The following ZNF787 variants were observed in gnomAD, a reference collection of about 807,000 sequenced individuals.
The protein encoded by ZNF787 is TTF-I-interacting peptide 20.
ZNF787 carries 7 observed loss-of-function variants against 16.9 expected under a neutral mutation model. The ratio of observed to expected loss-of-function variants is 0.42; its 90% confidence interval spans 0.24 to 0.78. ZNF787 has a LOEUF of 0.78. Among genes scored for constraint, ZNF787 ranks in the 30% least tolerant of loss-of-function variants. The probability of loss-of-function intolerance (pLI) is 0.30; values close to 1 mark genes in which losing one functional copy is unlikely to be tolerated. For synonymous variants in ZNF787, 345 were observed against 270.9 expected (o/e 1.27, Z -2.69); for missense variants, 551 against 589.3 (o/e 0.94, Z 0.67).
intron 2 of ZNF787, among the ~76,000 whole-genome samples, chr19:56,094,187 C>CTTTTTTTTTTT (rs572443571): frequency 9.5e-6 from 1 of 105,474 alleles, no homozygotes; most frequent in Non-Finnish European, 1.8e-5. Context: ...TCATGCCCGG[C>CTTTTTTTTTTT]TTTTTTTTTT....
intron 2 of ZNF787, among the ~76,000 whole-genome samples, chr19:56,095,804 G>C (rs1162966064): frequency 6.6e-6 from 1 of 152,158 alleles, no homozygotes; most frequent in South Asian, 2.1e-4. Flanking sequence ...TACTTCAGCT[G>C]CTGGTCCTAA....
intron 1 of ZNF787, among the ~76,000 whole-genome samples, chr19:56,113,723 C>A (rs1218135349): frequency 6.6e-6 from 1 of 151,928 alleles, no homozygotes; most frequent in South Asian, 2.1e-4. Context: ...GGAGGGACTG[C>A]TGAAGATGCA....
At chr19:56,109,120 C>CT (rs1255352158) in intron 1 of ZNF787, among the ~76,000 whole-genome samples, 1 of 152,126 alleles carries the variant, frequency 6.6e-6, no homozygotes, top group African/African-American at 2.4e-5. Flanking sequence ...GTGATCTCAA[C>CT]GTTTTTCTTA....
At chr19:56,113,260 G>C (rs2030032076) in intron 1 of ZNF787, among the ~76,000 whole-genome samples, 1 of 152,194 alleles carries the variant, frequency 6.6e-6, no homozygotes, top group Non-Finnish European at 1.5e-5. Context: ...ACCAGGAGAA[G>C]TGGGGAGACC....
At chr19:56,096,562 A>T (rs1985882046) in intron 2 of ZNF787, among the ~76,000 whole-genome samples, 1 of 151,352 alleles carries the variant, frequency 6.6e-6, no homozygotes, top group African/African-American at 2.4e-5. Context: ...AAACTACAAA[A>T]ATTAGCCGGG....
chr19:56,118,261 T>C (rs1005647376), intron 1 of ZNF787, among the ~76,000 whole-genome samples: 1 of 152,162 alleles, frequency 6.6e-6, no homozygotes, highest in Non-Finnish European at 1.5e-5. Context: ...AGCACTCAAC[T>C]TCCGAGCCAC....
In ZNF787 at chr19:56,088,473, G is replaced by T; in HGVS notation, c.699C>A (p.Ile233=). The stretch of plus-strand genomic sequence containing the variant: ...CCTCGCCATCGCCCACGGGGATGGC[G>T]ATCTCGCCGTCCGCCGCCACCGCCT... ...PEEAVAADGE[I]AIPVGDGEGI... The change falls in exon 3 of 3, where the codon ATC becomes ATA. Residue 233 remains isoleucine, a synonymous_variant. Coordinates refer to ENST00000610935, the MANE Select transcript of ZNF787 (RefSeq NM_001002836.4). This position sits in a 1 kb window ranked among gnomAD's most constrained non-coding sequence, Gnocchi z 8.6. 2.3e-6 allele frequency: 3 copies of T among 1,333,106 alleles called. No individual in the cohort carries two copies. The highest frequency in any genetic ancestry group is 2.9e-6 in the Non-Finnish European group (3 of 1,043,484). The allele number at this position is 1,333,106 out of a possible 1,614,324, so 82.6% of individuals were successfully genotyped here.
chr19:56,106,430 G>A (rs1986315809), intron 1 of ZNF787, among the ~76,000 whole-genome samples: 1 of 152,238 alleles, frequency 6.6e-6, no homozygotes, highest in Non-Finnish European at 1.5e-5. Context: ...GGACGTTCGC[G>A]TTCATCTCTC....
chr19:56,105,396 G>A (rs1201287556), intron 1 of ZNF787: 1 of 152,072 alleles, frequency 6.6e-6, no homozygotes, highest in Non-Finnish European at 1.5e-5. Context: ...GCCGAATAAG[G>A]GCAATTTAAA....
At chr19:56,120,604 G>A (rs1036919491) in intron 1 of ZNF787, among the ~76,000 whole-genome samples, 1 of 150,716 alleles carries the variant, frequency 6.6e-6, no homozygotes, top group South Asian at 2.1e-4. Context: ...GGGCAGCAAC[G>A]GGACCCGGGC....
chr19:56,099,842 G>T (rs544722435), intron 2 of ZNF787, among the ~76,000 whole-genome samples: 1 of 152,076 alleles, frequency 6.6e-6, no homozygotes, highest in Non-Finnish European at 1.5e-5. Flanking sequence ...GGAGGCAGAC[G>T]GGGAGACAGT....
At chr19:56,115,677 C>T (rs888775889) in intron 1 of ZNF787, among the ~76,000 whole-genome samples, 28 of 152,140 alleles carry the variant, frequency 1.8e-4, no homozygotes, top group Non-Finnish European at 3.7e-4. Context: ...ACACCCTCCC[C>T]GTCAGAGCCG....
At chr19:56,089,816 C>T (rs1273787724) in intron 2 of ZNF787, among the ~76,000 whole-genome samples, 1 of 152,200 alleles carries the variant, frequency 6.6e-6, no homozygotes, top group East Asian at 1.9e-4. Flanking sequence ...ACACTGAGGA[C>T]GCCCTTCCAG....
chr19:56,096,468 A>G (rs938894993), intron 2 of ZNF787, among the ~76,000 whole-genome samples: 3 of 151,740 alleles, frequency 2.0e-5, no homozygotes, highest in African/African-American at 4.8e-5. Context: ...TAATCACAAC[A>G]CTTTGGGAGG....
At chr19:56,120,990 T>TC (rs2030279627) in intron 1 of ZNF787, among the ~76,000 whole-genome samples, 182 bp downstream of exon 1, 1 of 100,898 alleles carries the variant, frequency 9.9e-6, no homozygotes, top group African/African-American at 3.8e-5. Flanking sequence ...GCACGCGCAC[T>TC]CCCCCCGCCC....
At chr19:56,099,985 A>G (rs1986030363) in intron 2 of ZNF787, among the ~76,000 whole-genome samples, 1 of 152,114 alleles carries the variant, frequency 6.6e-6, no homozygotes, top group Non-Finnish European at 1.5e-5. Flanking sequence ...AAGGATAGGG[A>G]CAGAGGTCGC....
intron 1 of ZNF787, among the ~76,000 whole-genome samples, chr19:56,108,286 C>G (rs1393963283): frequency 2.0e-5 from 3 of 148,902 alleles, no homozygotes; most frequent in Non-Finnish European, 3.0e-5. Flanking sequence ...CCACCCCGCC[C>G]CTGCCCAGAA....
intron 2 of ZNF787, among the ~76,000 whole-genome samples, chr19:56,091,353 T>C (rs1015272402): frequency 6.6e-6 from 1 of 152,218 alleles, no homozygotes; most frequent in Admixed American, 6.5e-5. Context: ...TAGCATTTAT[T>C]CATGACGACA....
intron 1 of ZNF787, among the ~76,000 whole-genome samples, chr19:56,108,248 G>A (rs1452547032): frequency 2.2e-5 from 3 of 134,162 alleles, no homozygotes; most frequent in African/African-American, 5.7e-5. Context: ...CCTCCACCTC[G>A]CCCCTGCCCA....
Sources: gnomAD v4.1 joint callset for allele counts (sites outside exome capture counted in the v4.1 genomes callset) on GRCh38, gnomAD v4.1.1 for gene constraint, Gnocchi (gnomAD v3.1) non-coding constraint, MANE v1.5 for transcripts, NCBI Gene and HGNC (gene_info 2026-07-23, HGNC 2026-07-21) for gene names.